Variants in SLC25A17 observed in about 807,000 individuals in gnomAD.
SLC25A17 encodes the protein solute carrier family 25 member 17, also known as peroxisomal membrane protein PMP34.
A neutral mutation model predicts 38.5 loss-of-function variants in SLC25A17; 26 were observed. That is an observed-to-expected ratio of 0.68 (90% CI 0.50 to 0.94). The LOEUF is 0.94. Among genes scored for constraint, SLC25A17 ranks in the 40% least tolerant of loss-of-function variants. The probability of loss-of-function intolerance (pLI) is 0.00; values close to 1 mark genes in which losing one functional copy is unlikely to be tolerated. For synonymous variants in SLC25A17, 139 were observed against 136.2 expected (o/e 1.02, Z -0.14); for missense variants, 333 against 372.7 (o/e 0.89, Z 0.88).
chr22:40,810,404 A>G (rs957645035), intron 1 of SLC25A17, among the ~76,000 whole-genome samples: 5 of 151,058 alleles, frequency 3.3e-5, no homozygotes, highest in Non-Finnish European at 7.4e-5. Flanking sequence ...CTGGAGTGCA[A>G]TGGCGTAATC....
At chr22:40,814,789 A>G (rs963690901) in intron 1 of SLC25A17, among the ~76,000 whole-genome samples, 97 of 110,368 alleles carry the variant, frequency 8.8e-4, no homozygotes, top group South Asian at 3.9e-3. Flanking sequence ...ATATATATAT[A>G]TTGTTGTTGT....
At chr22:40,773,219 C>A (rs1425646525) in intron 8 of SLC25A17, among the ~76,000 whole-genome samples, 1 of 151,960 alleles carries the variant, frequency 6.6e-6, no homozygotes, top group Non-Finnish European at 1.5e-5. Context: ...ACCATCCTGG[C>A]AAACACAGTG....
intron 2 of SLC25A17, among the ~76,000 whole-genome samples, chr22:40,797,633 C>T (rs1301485783): frequency 1.3e-5 from 2 of 152,170 alleles, no homozygotes; most frequent in Non-Finnish European, 2.9e-5. Context: ...CCAGGAATGA[C>T]TCTCTGTTAA....
intron 4 of SLC25A17, among the ~76,000 whole-genome samples, chr22:40,783,151 C>T (rs1460567409): frequency 6.6e-6 from 1 of 152,120 alleles, no homozygotes; most frequent in Non-Finnish European, 1.5e-5. Context: ...AACTCTCAAC[C>T]TTCAGAAAAA....
chr22:40,779,297 G>C lies in SLC25A17; in HGVS notation c.335-172C>G, dbSNP rs1346898732. 9 of 1,458,362 alleles carry C rather than the reference G, an allele frequency of 6.2e-6. No homozygotes were observed. In the Admixed American group the frequency reaches 1.3e-4, roughly 20 times the overall value. The allele number at this position is 1,458,362 out of a possible 1,614,324, so 90.3% of individuals were successfully genotyped here. A position where few individuals can be genotyped will look rare whatever the true frequency, so the allele number is the denominator to read the frequency against. On this transcript the variant is annotated intron_variant, in intron 4 of 8. Coordinates refer to ENST00000435456, the MANE Select transcript of SLC25A17 (RefSeq NM_006358.4). Reference sequence around the variant, plus strand: ...GGTACAACACAAGCCACTACTGTTAGAAGCGATTTGGAAGCTTTGCTGATA... The same window carrying C: ...GGTACAACACAAGCCACTACTGTTACAAGCGATTTGGAAGCTTTGCTGATA...
chr22:40,776,146 TTC>T, intron 7 of SLC25A17: 1 of 303,248 alleles, frequency 3.3e-6, no homozygotes, highest in Non-Finnish European at 6.6e-6. Context: ...TCCTTTATAG[TTC>T]TTTTTTCAAT....
At chr22:40,808,890 A>T (rs1230206488) in intron 1 of SLC25A17, among the ~76,000 whole-genome samples, 1 of 152,142 alleles carries the variant, frequency 6.6e-6, no homozygotes, top group East Asian at 1.9e-4. Context: ...TTATTCTCTC[A>T]CAGTGTGTAG....
In SLC25A17 at chr22:40,799,072, T is replaced by C. The variant is rs754004021; in HGVS notation, c.66A>G (p.Thr22=). 2 of 1,613,696 alleles carry C rather than the reference T, an allele frequency of 1.2e-6. No homozygotes were observed. The highest frequency in any genetic ancestry group is 1.7e-6 in the Non-Finnish European group (2 of 1,179,656). ...HAVAGAVGSV[T]AMTVFFPLDT... ...CCAGGGGAAAAAACACTGTCATTGCTGTCACGCTTCCCTGAAAAGTTTGAA... is the reference window on the plus strand; with the variant it reads ...CCAGGGGAAAAAACACTGTCATTGCCGTCACGCTTCCCTGAAAAGTTTGAA... The change falls in exon 2 of 9, where the codon ACA becomes ACG. Residue 22 remains threonine, a synonymous_variant. Coordinates refer to ENST00000435456, the MANE Select transcript of SLC25A17 (RefSeq NM_006358.4).
At chr22:40,811,470 C>T (rs1303619618) in intron 1 of SLC25A17, among the ~76,000 whole-genome samples, 1 of 151,782 alleles carries the variant, frequency 6.6e-6, no homozygotes, top group African/African-American at 2.4e-5. Context: ...CATTCTGTCG[C>T]CCAGGCTGGA....
chr22:40,791,555 A>AT, intron 4 of SLC25A17, among the ~76,000 whole-genome samples: 3 of 152,348 alleles, frequency 2.0e-5, no homozygotes, highest in Middle Eastern at 6.8e-3. Context: ...AAAAAATGTA[A>AT]TAACCTGATT....
rs541761828 is a variant in SLC25A17, at chr22:40,770,716, A to G, written c.*118T>C. On this transcript the variant is annotated 3_prime_UTR_variant, in exon 9 of 9. Coordinates refer to ENST00000435456, the MANE Select transcript of SLC25A17 (RefSeq NM_006358.4). The stretch of plus-strand genomic sequence containing the variant: ...CCTGTGCACCCTTGGATGCTTTTCA[A>G]GCCAATGAGGGTAACATTTGTGGTG... 2 of 1,113,386 alleles carry G rather than the reference A, an allele frequency of 1.8e-6. No individual in the cohort carries two copies. Among genetic ancestry groups the G allele is most frequent in the South Asian group, 3.9e-5 (2 of 51,900 alleles). 69.0% of individuals were successfully genotyped at this position (1,113,386 alleles called of 1,614,324 possible).
chr22:40,773,410 C>CAA (rs59479764), intron 8 of SLC25A17, among the ~76,000 whole-genome samples: 1,226 of 73,516 alleles, frequency 0.017, 7 homozygotes, highest in African/African-American at 0.03. Flanking sequence ...ACTCTGTCTC[C>CAA]AAAAAAAAAA....
rs186376325 is a variant in SLC25A17 at position 40,781,940 on chromosome 22, G to A, written c.335-2815C>T. On this transcript the variant is annotated intron_variant, in intron 4 of 8. Coordinates refer to ENST00000435456, the MANE Select transcript of SLC25A17 (RefSeq NM_006358.4). Reference sequence around the variant, plus strand: ...CCCGTGTAACTCTTCTGCCAGTTCCGGCCGGGTGCGGTTGCTCACGCCTGG... The same window carrying A: ...CCCGTGTAACTCTTCTGCCAGTTCCAGCCGGGTGCGGTTGCTCACGCCTGG... 1.6e-3 allele frequency among the ~76,000 whole-genome samples: 239 copies of A among 152,110 alleles called. 1 individual carries two copies. The highest frequency in any genetic ancestry group is 5.0e-3 in the African/African-American group (206 of 41,476).
chr22:40,775,871 G>A (rs2057238471), intron 7 of SLC25A17, among the ~76,000 whole-genome samples: 1 of 152,054 alleles, frequency 6.6e-6, no homozygotes, highest in Middle Eastern at 3.2e-3. Context: ...GTTTCCTGAG[G>A]CCCCCCAGCC....
chr22:40,775,442 T>C (rs1205417845), intron 7 of SLC25A17, among the ~76,000 whole-genome samples: 1 of 43,764 alleles, frequency 2.3e-5, no homozygotes, highest in Non-Finnish European at 4.6e-5. Context: ...GATGGTTTTT[T>C]TTTTTTTTTT....
intron 4 of SLC25A17, among the ~76,000 whole-genome samples, chr22:40,786,955 C>A (rs1318941231): frequency 1.3e-5 from 2 of 152,168 alleles, no homozygotes; most frequent in Non-Finnish European, 2.9e-5. Flanking sequence ...TGCTAAGACA[C>A]TGGGGATGTG....
intron 4 of SLC25A17, among the ~76,000 whole-genome samples, chr22:40,783,685 C>A (rs912657942): frequency 7.2e-5 from 11 of 151,864 alleles, no homozygotes; most frequent in African/African-American, 2.4e-4. Flanking sequence ...TGACTTAACA[C>A]CATACTATCT....
chr22:40,779,458 G>GT, intron 4 of SLC25A17: 1 of 544,364 alleles, frequency 1.8e-6, no homozygotes, highest in African/African-American at 1.9e-5. Context: ...TAATTTTAAC[G>GT]TAACAGCTTT....
chr22:40,770,717 G>A lies in SLC25A17; in HGVS notation c.*117C>T, dbSNP rs770319512. The A allele has an allele frequency of 8.9e-7, 1 of 1,118,806 alleles. No homozygotes were observed. Among genetic ancestry groups the A allele is most frequent in the Non-Finnish European group, 1.2e-6 (1 of 811,182 alleles). 69.3% of individuals were successfully genotyped at this position (1,118,806 alleles called of 1,614,324 possible). A position where few individuals can be genotyped will look rare whatever the true frequency, so the allele number is the denominator to read the frequency against. On this transcript the variant is annotated 3_prime_UTR_variant, in exon 9 of 9. Coordinates refer to ENST00000435456, the MANE Select transcript of SLC25A17 (RefSeq NM_006358.4). Reference sequence around the variant, plus strand: ...CTGTGCACCCTTGGATGCTTTTCAAGCCAATGAGGGTAACATTTGTGGTGG... The same window carrying A: ...CTGTGCACCCTTGGATGCTTTTCAAACCAATGAGGGTAACATTTGTGGTGG...
Sources: gnomAD v4.1 joint callset for allele counts (sites outside exome capture counted in the v4.1 genomes callset) on GRCh38, gnomAD v4.1.1 for gene constraint, MANE v1.5 for transcripts, NCBI Gene and HGNC (gene_info 2026-07-23, HGNC 2026-07-21) for gene names.